PPP2R3B: variants seen among roughly 807,000 people sequenced by gnomAD.
The protein encoded by PPP2R3B is serine/threonine-protein phosphatase 2A regulatory subunit B'' subunit beta.
PPP2R3B carries 68 observed loss-of-function variants against 72.9 expected under a neutral mutation model. The ratio of observed to expected loss-of-function variants is 0.93; its 90% CI spans 0.77 to 1.14. The LOEUF is 1.14. Ranked by LOEUF, PPP2R3B falls within the 50% of genes most tolerant of loss-of-function variation. PPP2R3B has a pLI of 0.00. For missense variants in PPP2R3B, 1,018 were observed against 842.0 expected, an observed-to-expected ratio of 1.21 and a Z score of -2.59; for synonymous variants, 466 against 375.8, an observed-to-expected ratio of 1.24 and a Z score of -2.78.
At chrX:335,932 G>A (rs1233840097) in intron 12 of PPP2R3B, 8 of 152,096 alleles carry the variant, frequency 5.3e-5, no homozygotes, top group Admixed American at 1.3e-4. Context: ...TTGGGGGACC[G>A]AGGCGGGGAG....
intron 1 of PPP2R3B, among the ~76,000 whole-genome samples, chrX:374,693 C>A (rs1475218951): frequency 1.3e-5 from 2 of 152,198 alleles, no homozygotes; most frequent in Non-Finnish European, 2.9e-5. Context: ...GGTCCCCGAT[C>A]AGGAAGGTCC....
Position 341,316 on chromosome X carries a change from G to GC in PPP2R3B, c.1165_1166insG (p.Thr389SerfsTer62). ...CGCAGCAGGAACCCACCTGGTCGGT[G>GC]TTTTTTTGTCTTCCTCAGAGATCAA... On this transcript the variant is annotated frameshift_variant, in exon 9 of 13. Coordinates refer to ENST00000390665, the MANE Select transcript of PPP2R3B (RefSeq NM_013239.5). LOFTEE classifies it high-confidence loss of function. The GC allele has an allele frequency of 6.2e-7, 1 of 1,612,510 alleles. No homozygotes were observed. The highest frequency in any genetic ancestry group is 8.5e-7 in the Non-Finnish European group (1 of 1,179,718).
rs1266681676 is a variant in PPP2R3B at position 340,752 on chromosome X, C to CA, written c.1351+12dup. On this transcript the variant is annotated intron_variant, in intron 10 of 12. Coordinates refer to ENST00000390665, the MANE Select transcript of PPP2R3B (RefSeq NM_013239.5). ...GTCCCCTCACCCTGGGCCATGCCCTCACGGGGCATCACCTTCAGTCCTCGG... is the reference window on the plus strand; with the variant it reads ...GTCCCCTCACCCTGGGCCATGCCCTCAACGGGGCATCACCTTCAGTCCTCGG... The CA allele has an allele frequency of 1.9e-6, 3 of 1,603,642 alleles. No homozygotes were observed. The African/African-American group carries it at 4.2e-5, about 22-fold the overall frequency.
rs768007956 is a variant in PPP2R3B at position 355,473 on chromosome X, G to A, written c.510+5932C>T. On this transcript the variant is annotated intron_variant, in intron 2 of 12. Coordinates refer to ENST00000390665, the MANE Select transcript of PPP2R3B (RefSeq NM_013239.5). ...AATCCCAGCAGGCTGTCGTAGCAAC[G>A]GAGGGACCGGCTCTAAAATTCACAC... 2.3e-3 allele frequency among the ~76,000 whole-genome samples: 355 copies of A among 152,280 alleles called. 3 individuals are homozygous for A. The highest frequency in any genetic ancestry group is 7.8e-3 in the African/African-American group (324 of 41,562).
intron 1 of PPP2R3B, among the ~76,000 whole-genome samples, chrX:363,402 AAT>A (rs2071591785): frequency 3.8e-4 from 2 of 5,332 alleles, no homozygotes; most frequent in Admixed American, 2.5e-3. Flanking sequence ...CCGAGCCCGC[AAT>A]CCCACAGTGC....
intron 1 of PPP2R3B, among the ~76,000 whole-genome samples, chrX:363,852 T>C (rs1357628434): frequency 2.0e-5 from 3 of 152,364 alleles, no homozygotes; most frequent in Admixed American, 2.0e-4. Flanking sequence ...ACCCCGCGAA[T>C]ATTCTGCAGT....
At chrX:368,460 C>T (rs1404896950) in intron 1 of PPP2R3B, among the ~76,000 whole-genome samples, 3 of 98,146 alleles carry the variant, frequency 3.1e-5, no homozygotes, top group Admixed American at 1.0e-4. Flanking sequence ...GGGGGAAGGC[C>T]GGGACCACCC....
intron 7 of PPP2R3B, among the ~76,000 whole-genome samples, chrX:343,044 G>A (rs1393660294): frequency 5.0e-5 from 1 of 20,106 alleles, no homozygotes; most frequent in Non-Finnish European, 9.1e-5. Context: ...CCTCAGCAAC[G>A]GGAGGCGGGA....
chrX:338,574 T>A, intron 12 of PPP2R3B, 30 bp downstream of exon 12: 2 of 1,445,820 alleles, frequency 1.4e-6, no homozygotes, highest in East Asian at 2.7e-5. Context: ...CACTGACCCG[T>A]CCCCCCACTC....
At chrX:351,906 G>A (rs1276061532) in intron 2 of PPP2R3B, among the ~76,000 whole-genome samples, 6 of 152,096 alleles carry the variant, frequency 3.9e-5, no homozygotes, top group Non-Finnish European at 8.8e-5. Flanking sequence ...TGTTGCCGAG[G>A]CTGGTCTGGA....
At chrX:364,213 A>G (rs2071632324) in intron 1 of PPP2R3B, among the ~76,000 whole-genome samples, 1 of 152,228 alleles carries the variant, frequency 6.6e-6, no homozygotes, top group Non-Finnish European at 1.5e-5. Context: ...ATGAGCTCCA[A>G]GTAAATCCCC....
chrX:334,339 C>T lies in PPP2R3B; in HGVS notation c.*28G>A. ...CCCGGTGGTGGCACGTGGGGAGCGG[C>T]CCCGCGGCGGCGTTCTCGCGGGCGG... On this transcript the variant is annotated 3_prime_UTR_variant, in exon 13 of 13. Transcript: ENST00000390665. The T allele has an allele frequency of 6.9e-7, 1 of 1,457,318 alleles. No homozygotes were observed. The highest frequency in any genetic ancestry group is 1.4e-5 in the South Asian group (1 of 71,566). The allele number at this position is 1,457,318 out of a possible 1,614,324, so 90.3% of individuals were successfully genotyped here.
Position 334,375 on chromosome X carries a change from G to A in PPP2R3B, c.1720C>T (p.Pro574Ser), listed in dbSNP as rs1405278611. The change falls in exon 13 of 13, where the codon CCG (proline) becomes TCG (serine). Residue 574 changes from proline (P) to serine (S), a missense_variant. Pro to Ser is a moderately conservative substitution (Grantham distance 74, BLOSUM62 -1). Transcript: ENST00000390665. Reference sequence around the variant, plus strand: ...CGTTCTCGCGGGCGGCGTCACAGCGGCTCCAGGTCCTCGTCCCCGCATGCG... The same window carrying A: ...CGTTCTCGCGGGCGGCGTCACAGCGACTCCAGGTCCTCGTCCCCGCATGCG... ...EYACGDEDLE[P>S]L The A allele has an allele frequency of 3.3e-6, 5 of 1,510,266 alleles. No individual in the cohort carries two copies. Among genetic ancestry groups the A allele is most frequent in the East Asian group, 5.0e-5 (2 of 40,150 alleles). 93.6% of individuals were successfully genotyped at this position (1,510,266 alleles called of 1,614,324 possible). A position where few individuals can be genotyped will look rare whatever the true frequency, so the allele number is the denominator to read the frequency against.
At chrX:369,498 A>G (rs1274453323) in intron 1 of PPP2R3B, among the ~76,000 whole-genome samples, 1 of 152,182 alleles carries the variant, frequency 6.6e-6, no homozygotes, top group Non-Finnish European at 1.5e-5. Flanking sequence ...CAGTTTTGCA[A>G]AACACGTCCA....
At chrX:372,885 G>A (rs1300540134) in intron 1 of PPP2R3B, among the ~76,000 whole-genome samples, 1 of 152,106 alleles carries the variant, frequency 6.6e-6, no homozygotes, top group Non-Finnish European at 1.5e-5. Context: ...CCGAGATAGC[G>A]CCGCTGCACT....
intron 10 of PPP2R3B, among the ~76,000 whole-genome samples, chrX:339,143 G>A (rs1329251696): frequency 3.2e-5 from 2 of 63,206 alleles, no homozygotes; most frequent in Non-Finnish European, 4.0e-5. Flanking sequence ...CGTGGACTGG[G>A]ACTAGCGCAG....
chrX:334,695 G>T, intron 12 of PPP2R3B, 178 bp from the exon 13 acceptor site: 1 of 731,654 alleles, frequency 1.4e-6, no homozygotes, highest in Non-Finnish European at 2.0e-6. Flanking sequence ...CCGGCTCCAC[G>T]AATGCTCCCG....
intron 1 of PPP2R3B, among the ~76,000 whole-genome samples, chrX:372,865 T>C (rs2071896401): frequency 6.6e-6 from 1 of 152,154 alleles, no homozygotes; most frequent in East Asian, 1.9e-4. Flanking sequence ...GAGGTGGAGG[T>C]TGCAGTGAGC....
At chrX:380,105 G>A (rs188989734) in intron 1 of PPP2R3B, among the ~76,000 whole-genome samples, 44 of 152,148 alleles carry the variant, frequency 2.9e-4, no homozygotes, top group African/African-American at 8.7e-4. Context: ...AGGCCGAAAC[G>A]CAAACCTAAA....
Sources: gnomAD v4.1 joint callset for allele counts (sites outside exome capture counted in the v4.1 genomes callset) on GRCh38, gnomAD v4.1.1 for gene constraint, MANE v1.5 for transcripts, NCBI Gene and HGNC (gene_info 2026-07-23, HGNC 2026-07-21) for gene names.